Variants in VIT observed in about 807,000 individuals in gnomAD.
VIT encodes vitrin.
In VIT, 99 loss-of-function variants were observed where a neutral mutation model predicts 78.0. The ratio of observed to expected loss-of-function variants is 1.27; its 90% CI spans 1.08 to 1.50. The LOEUF (loss-of-function observed/expected upper bound fraction) is 1.50. Among genes scored for constraint, VIT ranks in the 40% most tolerant of loss-of-function variants. The pLI, the probability that VIT is intolerant of heterozygous loss-of-function variation, is 0.00. For synonymous variants in VIT, 374 were observed against 334.3 expected (o/e 1.12, Z -1.29); for missense variants, 1,126 against 875.3 (o/e 1.29, Z -3.61).
At chr2:36,780,936 G>A (rs986151844) in intron 9 of VIT, among the ~76,000 whole-genome samples, 1 of 152,068 alleles carries the variant, frequency 6.6e-6, no homozygotes, top group Non-Finnish European at 1.5e-5. Flanking sequence ...CTGTCCCTGA[G>A]CCCCTCTCAG....
rs1041559657 is a variant in VIT at position 36,716,964 on chromosome 2, C to T, written c.52+542C>T. ...TGATCTCGGCTCACTGCAACCTCTG[C>T]CTCCCAGGGTCAAGCGATTCTCCCA... On this transcript the variant is annotated intron_variant, in intron 2 of 15. Coordinates refer to ENST00000379242, the MANE Select transcript of VIT (RefSeq NM_053276.4). Among the ~76,000 whole-genome samples the T allele has an allele frequency of 8.0e-5, 12 of 149,316 alleles. No homozygotes were observed. In the Admixed American group the frequency reaches 8.1e-4, roughly 10 times the overall value.
At position 36,814,221 on chromosome 2, in the gene VIT, C is replaced by A; in HGVS notation, c.1942C>A (p.Gln648Lys). 2 of 1,614,194 alleles carry A rather than the reference C, an allele frequency of 1.2e-6. No homozygotes were observed. Among genetic ancestry groups the A allele is most frequent in the Non-Finnish European group, 1.7e-6 (2 of 1,180,032 alleles). ...TGCGATAGGCGTTGCCTGGGCTGCCCAAGAGGAGCTAGAAGTCATTGCCAC... is the reference window on the plus strand; with the variant it reads ...TGCGATAGGCGTTGCCTGGGCTGCCAAAGAGGAGCTAGAAGTCATTGCCAC... Reference protein sequence around the residue: ...TYAIGVAWAAQEELEVIATHP... With the variant: ...TYAIGVAWAAKEELEVIATHP... Residue 648 changes from glutamine to lysine, a missense_variant, in exon 16 of 16, where the codon CAA becomes AAA. By Grantham distance (53) the Gln-to-Lys change is moderately conservative. Transcript: ENST00000379242.
intron 5 of VIT, among the ~76,000 whole-genome samples, chr2:36,758,745 G>A (rs1668920495): frequency 2.0e-5 from 3 of 152,214 alleles, no homozygotes; most frequent in African/African-American, 7.2e-5. Flanking sequence ...TCTGAATCAT[G>A]GAGAGTTGGT....
intron 2 of VIT, among the ~76,000 whole-genome samples, chr2:36,724,896 C>T (rs1666739173): frequency 6.6e-6 from 1 of 152,192 alleles, no homozygotes; most frequent in Non-Finnish European, 1.5e-5. Context: ...CACTTACTCC[C>T]TCTCCTTGCT....
chr2:36,808,709 T>A lies in VIT; in HGVS notation c.1627T>A (p.Ser543Thr). Residue 543 changes from serine to threonine, a missense_variant, in exon 15 of 16, where the codon TCC (serine) becomes ACC (threonine). Ser to Thr is a moderately conservative substitution (Grantham distance 58, BLOSUM62 1). Transcript: ENST00000379242. ...VTNLTKEFEI[S>T]DTDTRIGAVQ... The stretch of plus-strand genomic sequence containing the variant: ...CAACCTCACCAAAGAGTTTGAGATT[T>A]CCGACACGGACACGCGCATCGGGGC... 6.2e-7 allele frequency: 1 copy of A among 1,614,230 alleles called. No individual in the cohort carries two copies.
At chr2:36,706,400 A>G (rs566033237) in intron 1 of VIT, among the ~76,000 whole-genome samples, 53 of 152,346 alleles carry the variant, frequency 3.5e-4, no homozygotes, top group African/African-American at 1.1e-3. Flanking sequence ...CAAAGGCTCA[A>G]AAACATCAAT....
rs553773627 is a variant in VIT at position 36,726,460 on chromosome 2, G to A, written c.53-2966G>A. On this transcript the variant is annotated intron_variant, in intron 2 of 15. Coordinates refer to ENST00000379242, the MANE Select transcript of VIT (RefSeq NM_053276.4). ...TATACTTTTGTATTCATCCACATTT[G>A]TGTTGTTTACGTTTTTCTACAAAGA... 2.6e-5 allele frequency among the ~76,000 whole-genome samples: 4 copies of A among 152,168 alleles called. No individual in the cohort carries two copies. The East Asian group carries it at 7.7e-4, about 29-fold the overall frequency.
Position 36,770,637 on chromosome 2 carries a change from G to A in VIT, c.680-3154G>A, listed in dbSNP as rs552393310. On this transcript the variant is annotated intron_variant, in intron 7 of 15. Transcript: ENST00000379242. ...TTCATGGGAAAGGCCAAGGACAATG[G>A]CATCAGAGGGGGAAGCCGGGAGAGC... Among the ~76,000 whole-genome samples, 3 of 152,296 alleles carry A rather than the reference G, an allele frequency of 2.0e-5. No individual in the cohort carries two copies. The South Asian group carries it at 6.2e-4, about 32-fold the overall frequency.
chr2:36,707,731 C>T lies in VIT; in HGVS notation c.-18-8622C>T, dbSNP rs143903880. On this transcript the variant is annotated intron_variant, in intron 1 of 15. Coordinates refer to ENST00000379242, the MANE Select transcript of VIT (RefSeq NM_053276.4). ...CCACCAACAGTGTCCATCCAGTCCA[C>T]GTAGCCTGACTCGGAGTACATCTTC... 9.7e-4 allele frequency among the ~76,000 whole-genome samples: 148 copies of T among 152,248 alleles called. 1 individual carries two copies. The highest frequency in any genetic ancestry group is 2.9e-3 in the African/African-American group (119 of 41,524).
chr2:36,698,742 G>A (rs573128663), intron 1 of VIT, among the ~76,000 whole-genome samples: 7 of 152,084 alleles, frequency 4.6e-5, no homozygotes, highest in South Asian at 4.2e-4. Flanking sequence ...TCAGGAGTTC[G>A]AGACCAGCCT....
intron 4 of VIT, among the ~76,000 whole-genome samples, chr2:36,754,319 A>G (rs927113619): frequency 2.0e-5 from 3 of 152,204 alleles, no homozygotes; most frequent in African/African-American, 4.8e-5. Context: ...TAAAAGTGCA[A>G]TCTAGCAACC....
At chr2:36,811,044 G>C (rs1004251377) in intron 15 of VIT, among the ~76,000 whole-genome samples, 2 of 152,186 alleles carry the variant, frequency 1.3e-5, no homozygotes, top group African/African-American at 4.8e-5. Context: ...CTGGTTCCTA[G>C]AATCCAAAGT....
chr2:36,736,578 C>G (rs1211677885), intron 3 of VIT, among the ~76,000 whole-genome samples: 3 of 152,218 alleles, frequency 2.0e-5, no homozygotes, highest in African/African-American at 7.2e-5. Context: ...CAGGTGAGAT[C>G]ACATTATGCA....
intron 3 of VIT, among the ~76,000 whole-genome samples, chr2:36,737,124 T>C (rs1667553704): frequency 6.6e-6 from 1 of 152,180 alleles, no homozygotes; most frequent in Non-Finnish European, 1.5e-5. Context: ...AGGACTCCTA[T>C]TGGTCTTATG....
intron 12 of VIT, among the ~76,000 whole-genome samples, chr2:36,792,729 G>A (rs564197317): frequency 1.6e-4 from 24 of 152,202 alleles, no homozygotes; most frequent in African/African-American, 5.5e-4. Flanking sequence ...ATTCTCATGG[G>A]CCTGTGCTGT....
chr2:36,744,624 T>C (rs993293638), intron 4 of VIT, among the ~76,000 whole-genome samples: 2 of 152,256 alleles, frequency 1.3e-5, no homozygotes, highest in Non-Finnish European at 2.9e-5. Context: ...TATGTTTTCT[T>C]TTGAGAAATG....
At chr2:36,727,947 G>C (rs78597396) in intron 2 of VIT, among the ~76,000 whole-genome samples, 1 of 151,900 alleles carries the variant, frequency 6.6e-6, no homozygotes, top group Non-Finnish European at 1.5e-5. Flanking sequence ...TCTTTTTTTT[G>C]AGATGAAGTC....
At chr2:36,726,407 A>G (rs1238862885) in intron 2 of VIT, among the ~76,000 whole-genome samples, 1 of 152,248 alleles carries the variant, frequency 6.6e-6, no homozygotes, top group Non-Finnish European at 1.5e-5. Flanking sequence ...GAATACCTGT[A>G]TACATATAGA....
chr2:36,769,711 C>T (rs1048946571), intron 7 of VIT, among the ~76,000 whole-genome samples: 1 of 152,168 alleles, frequency 6.6e-6, no homozygotes, highest in African/African-American at 2.4e-5. Flanking sequence ...CCATACAATT[C>T]ACTCATGTAA....
Sources: allele counts gnomAD v4.1 joint callset (sites outside exome capture counted in the v4.1 genomes callset), GRCh38; gene constraint gnomAD v4.1.1; transcripts MANE v1.5; gene names NCBI Gene and HGNC (gene_info 2026-07-23, HGNC 2026-07-21).